Variants in BRCA2 observed in about 807,000 individuals in gnomAD.
The protein encoded by BRCA2 is breast cancer type 2 susceptibility protein.
In BRCA2, 203 loss-of-function variants were observed where a neutral mutation model predicts 276.7. The observed-to-expected ratio is 0.73, with a 90% CI of 0.65 to 0.82. The LOEUF (loss-of-function observed/expected upper bound fraction) is 0.82. BRCA2 is among the 40% of genes least tolerant of loss of function. The pLI is 0.00. For synonymous variants in BRCA2, 1,289 were observed against 1,338.4 expected, an observed-to-expected ratio of 0.96 and a Z score of 0.81; for missense variants, 3,920 against 3,915.0, an observed-to-expected ratio of 1.00 and a Z score of -0.03.
In BRCA2 at chr13:32,339,662, T is replaced by C. The variant is rs767693329; in HGVS notation, c.5307T>C (p.Asp1769=). The C allele has an allele frequency of 3.1e-6, 5 of 1,612,610 alleles. No homozygotes were observed. The highest frequency in any genetic ancestry group is 4.2e-6 in the Non-Finnish European group (5 of 1,178,880). Residue 1769 remains aspartate, a synonymous_variant, in exon 11 of 27, where the codon GAT becomes GAC. Coordinates refer to ENST00000380152, the MANE Select transcript of BRCA2 (RefSeq NM_000059.4). ...DSGYLSKNKL[D]SGIEPVLKNV... ...GATATCTCTCAAAAAATAAACTTGA[T>C]TCTGGTATTGAGCCAGTATTGAAGA...
Position 32,357,818 on chromosome 13 carries a change from A to C in BRCA2, c.7694A>C (p.Glu2565Ala). 1 of 1,613,950 alleles carries C rather than the reference A, an allele frequency of 6.2e-7. No homozygotes were observed. The highest frequency in any genetic ancestry group is 8.5e-7 in the Non-Finnish European group (1 of 1,179,856). ...KNAESFQFHT[E>A]DYFGKESLWT... ...GCAGAGTCTTTTCAGTTTCACACTG[A>C]AGATTATTTTGGTAAGGAAAGTTTA... Residue 2565 changes from glutamate (E) to alanine (A), a missense_variant, in exon 16 of 27, where the codon GAA becomes GCA. Coordinates refer to ENST00000380152, the MANE Select transcript of BRCA2 (RefSeq NM_000059.4).
chr13:32,395,895 C>T (rs893332903), intron 25 of BRCA2: 1 of 183,562 alleles, frequency 5.4e-6, no homozygotes, highest in South Asian at 7.6e-5. Flanking sequence ...GAGTTGTATT[C>T]ATTATTTAGT....
Position 32,339,842 on chromosome 13 carries a change from G to T in BRCA2, c.5487G>T (p.Leu1829Phe), listed in dbSNP as rs779967765. ...PCKNKNAAIKLSISNSNNFEV... is the reference protein window; with the variant it reads ...PCKNKNAAIKFSISNSNNFEV... ...AAAATAAAAATGCAGCCATTAAATT[G>T]TCCATATCTAATAGTAATAATTTTG... Residue 1829 changes from leucine (L) to phenylalanine (F), a missense_variant, in exon 11 of 27, where the codon TTG (leucine) becomes TTT (phenylalanine). Leu to Phe is a conservative substitution (Grantham distance 22, BLOSUM62 0). This residue lies in a region of BRCA2 where 3,263 missense variants were observed against 3,156.9 expected (regional missense o/e 1.03). Coordinates refer to ENST00000380152, the MANE Select transcript of BRCA2 (RefSeq NM_000059.4). 4 of 1,613,696 alleles carry T rather than the reference G, an allele frequency of 2.5e-6. No individual in the cohort carries two copies. In the East Asian group the frequency reaches 6.7e-5, roughly 27 times the overall value.
At chr13:32,365,393 T>C (rs2072774074) in intron 18 of BRCA2, among the ~76,000 whole-genome samples, 1 of 152,134 alleles carries the variant, frequency 6.6e-6, no homozygotes, top group African/African-American at 2.4e-5. Flanking sequence ...TATTTATTTA[T>C]TTTTGAGACA....
rs587781534 is a variant in BRCA2 at position 32,338,911 on chromosome 13, C to G, written c.4556C>G (p.Pro1519Arg). Residue 1519 changes from proline (P) to arginine (R), a missense_variant, in exon 11 of 27, where the codon CCT (proline) becomes CGT (arginine). Transcript: ENST00000380152. ...QPERDEKIKE[P>R]TLLGFHTASG... is the part of the protein sequence containing the mutation. Reference sequence around the variant, plus strand: ...GAACGTGATGAAAAGATCAAAGAACCTACTCTATTGGGTTTTCATACAGCT... The same window carrying G: ...GAACGTGATGAAAAGATCAAAGAACGTACTCTATTGGGTTTTCATACAGCT... 9.9e-6 allele frequency: 16 copies of G among 1,613,792 alleles called. No homozygotes were observed. Among genetic ancestry groups the G allele is most frequent in the African/African-American group, 1.3e-5 (1 of 74,904 alleles).
rs1259692941 is a variant in BRCA2, at chr13:32,326,291, T to G, written c.516+9T>G. ...CACCAAAGTTTGTGAAGGTAAATAT[T>G]CTACCTGGTTTATTTTTATGACTTA... On this transcript the variant is annotated intron_variant, in intron 6 of 26. Transcript: ENST00000380152. 6.2e-7 allele frequency: 1 copy of G among 1,609,992 alleles called. No individual in the cohort carries two copies. The highest frequency in any genetic ancestry group is 1.1e-5 in the South Asian group (1 of 90,956).
chr13:32,330,587 T>A (rs1382209334), intron 8 of BRCA2, among the ~76,000 whole-genome samples: 1 of 152,170 alleles, frequency 6.6e-6, no homozygotes. Flanking sequence ...GTGGGTACCA[T>A]ATACAGCCTG....
chr13:32,387,500 T>G (rs1200358380), intron 24 of BRCA2, among the ~76,000 whole-genome samples: 1 of 152,102 alleles, frequency 6.6e-6, no homozygotes, highest in East Asian at 1.9e-4. Flanking sequence ...AAGACACCCG[T>G]TACTTAGCAG....
Position 32,338,095 on chromosome 13 carries a change from T to C in BRCA2, c.3740T>C (p.Ile1247Thr). The C allele has an allele frequency of 6.2e-7, 1 of 1,610,350 alleles. No homozygotes were observed. Reference sequence around the variant, plus strand: ...AAACTGTTTAGTGATATTGAGAATATTAGTGAGGAAACTTCTGCAGAGGTA... The same window carrying C: ...AAACTGTTTAGTGATATTGAGAATACTAGTGAGGAAACTTCTGCAGAGGTA... ...AVKLFSDIEN[I>T]SEETSAEVHP... Residue 1247 changes from isoleucine (I) to threonine (T), a missense_variant, in exon 11 of 27, where the codon ATT (isoleucine) becomes ACT (threonine). Ile to Thr is a moderately conservative substitution (Grantham distance 89). Around this residue, in one of 2 missense-constraint regions of BRCA2, gnomAD observed 3,263 missense variants for 3,156.9 expected, o/e 1.03. Transcript: ENST00000380152.
At chr13:32,359,971 A>T (rs1417937291) in intron 16 of BRCA2, among the ~76,000 whole-genome samples, 1 of 152,228 alleles carries the variant, frequency 6.6e-6, no homozygotes, top group Non-Finnish European at 1.5e-5. Context: ...ATTGAAATAT[A>T]AGTGAATTGT....
At chr13:32,325,859 G>T (rs2072341551) in intron 4 of BRCA2, among the ~76,000 whole-genome samples, 1 of 152,120 alleles carries the variant, frequency 6.6e-6, no homozygotes, top group South Asian at 2.1e-4. Flanking sequence ...AAATTTTTGA[G>T]TTTAAAATAC....
At chr13:32,394,588 A>G (rs1205967146) in intron 24 of BRCA2, 101 bp from the exon 25 acceptor site, 4 of 1,380,428 alleles carry the variant, frequency 2.9e-6, no homozygotes, top group East Asian at 4.6e-5. Flanking sequence ...TATTATTAGC[A>G]TATACCAAAA....
At chr13:32,324,787 C>T (rs1335293263) in intron 3 of BRCA2, among the ~76,000 whole-genome samples, 4 of 152,042 alleles carry the variant, frequency 2.6e-5, no homozygotes, top group Non-Finnish European at 5.9e-5. Context: ...ACCACACCAG[C>T]GTTTTCTTTG....
Position 32,336,721 on chromosome 13 carries a change from A to G in BRCA2, c.2366A>G (p.Lys789Arg), listed in dbSNP as rs587782062. 5 of 1,613,960 alleles carry G rather than the reference A, an allele frequency of 3.1e-6. No homozygotes were observed. Among genetic ancestry groups the G allele is most frequent in the Non-Finnish European group, 4.2e-6 (5 of 1,179,980 alleles). ...AACCTAGTCATGATTTCTAGAGGCA[A>G]AGAATCATACAAAATGTCAGACAAG... Reference protein sequence around the residue: ...LSNLVMISRGKESYKMSDKLK... With the variant: ...LSNLVMISRGRESYKMSDKLK... The change falls in exon 11 of 27, where the codon AAA becomes AGA. Residue 789 changes from lysine (K) to arginine (R), a missense_variant. By Grantham distance (26) the Lys-to-Arg change is conservative. Around this residue, in one of 2 missense-constraint regions of BRCA2, gnomAD observed 3,263 missense variants for 3,156.9 expected, o/e 1.03. Transcript: ENST00000380152.
chr13:32,349,698 C>G (rs916195247), intron 13 of BRCA2, among the ~76,000 whole-genome samples: 1 of 151,610 alleles, frequency 6.6e-6, no homozygotes, highest in African/African-American at 2.4e-5. Flanking sequence ...CCCCTGTAAT[C>G]CAGCTACTCA....
Position 32,348,740 on chromosome 13 carries a change from G to C in BRCA2, c.7007+1844G>C, listed in dbSNP as rs11571689. On this transcript the variant is annotated intron_variant, in intron 13 of 26. Transcript: ENST00000380152. ...TAAGAAATAAGAATTCAACATAGAA[G>C]AGAGGCAAAGGGAGCTTTCAGGATG... is the stretch of plus-strand genomic sequence containing the variant. Among the ~76,000 whole-genome samples, 401 of 152,270 alleles carry C rather than the reference G, an allele frequency of 2.6e-3. 3 individuals carry two copies. Among genetic ancestry groups the C allele is most frequent in the African/African-American group, 9.3e-3 (387 of 41,548 alleles).
chr13:32,366,094 G>A (rs1202000558), intron 18 of BRCA2, among the ~76,000 whole-genome samples: 3 of 151,970 alleles, frequency 2.0e-5, no homozygotes, highest in Non-Finnish European at 4.4e-5. Context: ...TACAAAAAAA[G>A]CAATTCCTAA....
rs1444987635 is a variant in BRCA2, at chr13:32,386,129, CTT to C, written c.9256+5986_9256+5987del. 1.9e-5 allele frequency: 3 copies of C among 160,802 alleles called. No individual in the cohort carries two copies. In the East Asian group the frequency reaches 4.6e-4, roughly 25 times the overall value. 10.0% of individuals were successfully genotyped at this position (160,802 alleles called of 1,614,324 possible). A position where few individuals can be genotyped will look rare whatever the true frequency, so the allele number is the denominator to read the frequency against. ...TCCTTAGGCACTCAAATATTGACCACTTTCATATTTCATTTGATTTTCTGTTA... is the reference window on the plus strand; with the variant it reads ...TCCTTAGGCACTCAAATATTGACCACTCATATTTCATTTGATTTTCTGTTA... On this transcript the variant is annotated intron_variant, in intron 24 of 26. Coordinates refer to ENST00000380152, the MANE Select transcript of BRCA2 (RefSeq NM_000059.4).
intron 21 of BRCA2, among the ~76,000 whole-genome samples, chr13:32,377,479 G>T (rs1483219597): frequency 6.6e-6 from 1 of 151,506 alleles, no homozygotes; most frequent in Admixed American, 6.6e-5. Flanking sequence ...AATCCCAGCT[G>T]TTCGGGAGGC....
Sources: gnomAD v4.1 joint callset for allele counts (sites outside exome capture counted in the v4.1 genomes callset) on GRCh38, gnomAD v4.1.1 for gene constraint, gnomAD v4.1.1 regional missense constraint, MANE v1.5 for transcripts, NCBI Gene and HGNC (gene_info 2026-07-23, HGNC 2026-07-21) for gene names.